DIAPH1: variants seen among roughly 807,000 people sequenced by gnomAD.
The protein encoded by DIAPH1 is protein diaphanous homolog 1.
Under a neutral mutation model 140.7 loss-of-function variants are expected in DIAPH1, and 46 were observed. The observed-to-expected ratio is 0.33, with a 90% CI of 0.26 to 0.42. DIAPH1 has a LOEUF of 0.42. DIAPH1 is among the 10% of genes least tolerant of loss of function. The pLI is 1.00. For missense variants in DIAPH1, 1,310 were observed against 1,558.7 expected, an observed-to-expected ratio of 0.84 and a Z score of 2.69; for synonymous variants, 565 against 551.6, an observed-to-expected ratio of 1.02 and a Z score of -0.34.
At chr5:141,577,355 A>G (rs1453604623) in intron 12 of DIAPH1, 120 bp downstream of exon 12, 4 of 798,748 alleles carry the variant, frequency 5.0e-6, no homozygotes, top group African/African-American at 3.4e-5. Context: ...TGACTAATGA[A>G]CCCTAATCTT....
chr5:141,527,030 G>A (rs1431884776), intron 24 of DIAPH1, among the ~76,000 whole-genome samples: 1 of 152,180 alleles, frequency 6.6e-6, no homozygotes, highest in East Asian at 1.9e-4. Flanking sequence ...AATGTATGAG[G>A]TGCAAATCAG....
At chr5:141,586,909 A>T in intron 3 of DIAPH1, 133 bp downstream of exon 3, 1 of 894,270 alleles carries the variant, frequency 1.1e-6, no homozygotes, top group Non-Finnish European at 1.8e-6. Context: ...TTAAAGGGTT[A>T]ATATTAAAAA....
chr5:141,542,267 A>G (rs2099890102), intron 18 of DIAPH1, among the ~76,000 whole-genome samples: 1 of 152,054 alleles, frequency 6.6e-6, no homozygotes, highest in Non-Finnish European at 1.5e-5. Flanking sequence ...TGCCATTTCT[A>G]CTAAAAATAC....
intron 1 of DIAPH1, among the ~76,000 whole-genome samples, chr5:141,606,684 A>G (rs1278535712): frequency 6.6e-6 from 1 of 152,180 alleles, no homozygotes; most frequent in African/African-American, 2.4e-5. Context: ...TTAATAATAA[A>G]AGTTGATAGC....
intron 15 of DIAPH1, 50 bp downstream of exon 15, chr5:141,574,917 T>G: frequency 6.2e-7 from 1 of 1,605,828 alleles, no homozygotes; most frequent in East Asian, 2.2e-5. Context: ...TTCCAAGCCA[T>G]GTGCATCCTG....
rs1313563951 is a variant in DIAPH1 at position 141,515,619 on chromosome 5, C to T, written c.*1232G>A. 6.6e-6 allele frequency: 1 copy of T among 152,206 alleles called. No homozygotes were observed. Among genetic ancestry groups the T allele is most frequent in the Non-Finnish European group, 1.5e-5 (1 of 68,038 alleles). The allele number at this position is 152,206 out of a possible 1,614,324, so 9.4% of individuals were successfully genotyped here. Reference sequence around the variant, plus strand: ...GAAGGCACTCCTGGTGCCCAGTTCCCCAGAATGTCCAGTTAGCATCTGCAC... The same window carrying T: ...GAAGGCACTCCTGGTGCCCAGTTCCTCAGAATGTCCAGTTAGCATCTGCAC... On this transcript the variant is annotated 3_prime_UTR_variant, in exon 28 of 28. Transcript: ENST00000389054.
rs1481827456 is a variant in DIAPH1, at chr5:141,529,099, G to GC, written c.2778+72dup. Reference sequence around the variant, plus strand: ...AACAGACAAGCGGCAAGGAGCATATGCCCAGGCTGCTCTCTAGAGGGGAGG... The same window carrying GC: ...AACAGACAAGCGGCAAGGAGCATATGCCCCAGGCTGCTCTCTAGAGGGGAGG... On this transcript the variant is annotated intron_variant, in intron 21 of 27. Coordinates refer to ENST00000389054, the MANE Select transcript of DIAPH1 (RefSeq NM_005219.5). The GC allele has an allele frequency of 5.8e-6, 9 of 1,541,698 alleles. No homozygotes were observed. In the East Asian group the frequency reaches 1.6e-4, roughly 27 times the overall value.
At chr5:141,591,704 A>ATT (rs1426224386) in intron 1 of DIAPH1, among the ~76,000 whole-genome samples, 2 of 76,198 alleles carry the variant, frequency 2.6e-5, no homozygotes, top group South Asian at 3.9e-4. Context: ...GGATATATAT[A>ATT]TATATATATA....
At chr5:141,604,902 A>G (rs2099900697) in intron 1 of DIAPH1, among the ~76,000 whole-genome samples, 1 of 152,224 alleles carries the variant, frequency 6.6e-6, no homozygotes, top group Non-Finnish European at 1.5e-5. Flanking sequence ...GATGAGCATG[A>G]AGATGAAATC....
intron 18 of DIAPH1, among the ~76,000 whole-genome samples, chr5:141,560,078 T>C (rs1175114725): frequency 6.6e-6 from 1 of 152,234 alleles, no homozygotes; most frequent in African/African-American, 2.4e-5. Context: ...GAAACCATTA[T>C]CACACTAATT....
At chr5:141,617,812 G>A (rs770165300) in intron 1 of DIAPH1, among the ~76,000 whole-genome samples, 7 of 152,094 alleles carry the variant, frequency 4.6e-5, no homozygotes, top group Admixed American at 1.3e-4. Context: ...ATATGATAGG[G>A]TTACATGTAT....
intron 3 of DIAPH1, 116 bp downstream of exon 3, chr5:141,586,926 T>G (rs968068297): frequency 4.6e-6 from 5 of 1,091,982 alleles, no homozygotes; most frequent in Non-Finnish European, 4.2e-6. Flanking sequence ...AAAAGTTCCA[T>G]GTTAAGCCTG....
chr5:141,524,079 C>G, intron 27 of DIAPH1, 64 bp downstream of exon 27: 5 of 1,381,122 alleles, frequency 3.6e-6, no homozygotes, highest in Non-Finnish European at 4.1e-6. Flanking sequence ...TAGCCGCAGA[C>G]TGGCAGGAGT....
rs2099885487 is a variant in DIAPH1 at position 141,515,173 on chromosome 5, C to CA, written c.*1677dup. On this transcript the variant is annotated 3_prime_UTR_variant, in exon 28 of 28. Transcript: ENST00000389054. Reference sequence around the variant, plus strand: ...TTTTTTTTTATTAAATGCATCTTAGCAAAAGTAGATTAAAAAAGAAAGGGT... The same window carrying CA: ...TTTTTTTTTATTAAATGCATCTTAGCAAAAAGTAGATTAAAAAAGAAAGGGT... 2.0e-5 allele frequency: 3 copies of CA among 152,292 alleles called. No homozygotes were observed. Among genetic ancestry groups the CA allele is most frequent in the Admixed American group, 6.6e-5 (1 of 15,254 alleles). 9.4% of individuals were successfully genotyped at this position (152,292 alleles called of 1,614,324 possible).
chr5:141,556,738 C>T (rs1026305311), intron 18 of DIAPH1, among the ~76,000 whole-genome samples: 10 of 152,314 alleles, frequency 6.6e-5, no homozygotes, highest in African/African-American at 2.4e-4. Flanking sequence ...GTCACCCAGG[C>T]TTGAGTGCAG....
At chr5:141,599,217 T>C (rs2099899768) in intron 1 of DIAPH1, among the ~76,000 whole-genome samples, 1 of 152,116 alleles carries the variant, frequency 6.6e-6, no homozygotes, top group South Asian at 2.1e-4. Context: ...ACATTCTACA[T>C]AGCAAAAAGT....
chr5:141,518,130 G>C (rs1322193652), intron 27 of DIAPH1, among the ~76,000 whole-genome samples: 1 of 152,208 alleles, frequency 6.6e-6, no homozygotes, highest in Non-Finnish European at 1.5e-5. Context: ...GGTTGCCAGA[G>C]GCAAGGGGAG....
At chr5:141,576,343 A>G in intron 13 of DIAPH1, 49 bp from the exon 14 acceptor site, 2 of 1,419,772 alleles carry the variant, frequency 1.4e-6, no homozygotes, top group Non-Finnish European at 2.0e-6. Context: ...CTCTTGTTCT[A>G]TTTCTTTCAC....
intron 1 of DIAPH1, among the ~76,000 whole-genome samples, chr5:141,591,695 G>GATATATATATATATAGGTATAT (rs2099898445): frequency 1.2e-5 from 1 of 86,326 alleles, no homozygotes. Flanking sequence ...GGGAGATGGG[G>GATATATATATATATAGGTATAT]ATATATATAT....
Sources: allele counts gnomAD v4.1 joint callset (sites outside exome capture counted in the v4.1 genomes callset), GRCh38; gene constraint gnomAD v4.1.1; transcripts MANE v1.5; gene names NCBI Gene and HGNC (gene_info 2026-07-23, HGNC 2026-07-21).